CCDC40: variants seen among roughly 807,000 people sequenced by gnomAD.
CCDC40 encodes the protein coiled-coil domain 40 molecular ruler complex subunit.
A neutral mutation model predicts 124.5 loss-of-function variants in CCDC40; 104 were observed. The observed-to-expected ratio is 0.84, with a 90% CI of 0.71 to 0.98. CCDC40 has a LOEUF of 0.98. Among genes scored for constraint, CCDC40 ranks in the 50% least tolerant of loss-of-function variants. The pLI, the probability that CCDC40 is intolerant of heterozygous loss-of-function variation, is 0.00. For missense variants in CCDC40, 1,463 were observed against 1,503.9 expected (o/e 0.97, Z 0.45); for synonymous variants, 580 against 602.9 (o/e 0.96, Z 0.56).
At chr17:80,097,930 G>C (rs368901403) in intron 19 of CCDC40, 1 of 86,268 alleles carries the variant, frequency 1.2e-5, no homozygotes, top group South Asian at 2.1e-4. Flanking sequence ...GAAAAGAAAA[G>C]AAAAGAAAAG....
chr17:80,088,305 G>A, intron 16 of CCDC40: 1 of 615,524 alleles, frequency 1.6e-6, no homozygotes. Context: ...AGGCTGGAGT[G>A]CAGCCGTGCG....
chr17:80,047,581 T>A, intron 4 of CCDC40, 179 bp downstream of exon 4: 2 of 659,786 alleles, frequency 3.0e-6, no homozygotes. Context: ...TACTGTTTTA[T>A]CTCATTTAAT....
In CCDC40 at chr17:80,080,489, C is replaced by A. The variant is rs555870374; in HGVS notation, c.1563-1057C>A. 2.6e-5 allele frequency among the ~76,000 whole-genome samples: 4 copies of A among 152,224 alleles called. No homozygotes were observed. The East Asian group carries it at 7.7e-4, about 29-fold the overall frequency. On this transcript the variant is annotated intron_variant, in intron 10 of 19. Coordinates refer to ENST00000397545, the MANE Select transcript of CCDC40 (RefSeq NM_017950.4). ...TTACAGGTATCTCATCGCAGCATGC[C>A]GAGGGGAAAGACAATAGAATTTGAA...
rs1307406694 is a variant in CCDC40, at chr17:80,090,268, C to A, written c.2832+384C>A. ...ACGAACAACACGGGACGCGCGCGGG[C>A]ACGTGCACGAACAACACGGGACGCG... On this transcript the variant is annotated intron_variant, in intron 17 of 19. Transcript: ENST00000397545. The A allele has an allele frequency of 7.2e-6, 8 of 1,106,456 alleles. 2 individuals carry two copies. Among genetic ancestry groups the A allele is most frequent in the Non-Finnish European group, 9.9e-6 (8 of 808,154 alleles). 68.5% of individuals were successfully genotyped at this position (1,106,456 alleles called of 1,614,324 possible).
At chr17:80,050,011 C>G (rs769301455) in intron 6 of CCDC40, 22 bp downstream of exon 6, 5 of 1,612,330 alleles carry the variant, frequency 3.1e-6, no homozygotes, top group Non-Finnish European at 4.2e-6. Flanking sequence ...TCCAGTCTCC[C>G]ACCCTGGTCG....
rs368624849 is a variant in CCDC40, at chr17:80,081,627, C to T, written c.1644C>T (p.Asn548=). The change falls in exon 11 of 20, where the codon AAC becomes AAT. Residue 548 remains asparagine, a synonymous_variant. Transcript: ENST00000397545. The part of the protein sequence containing the change: ...KKSIMKEEEK[N]EKLASILNRT... ...CCATCATGAAGGAGGAAGAAAAGAACGAGAAGCTGGCGAGCATCCTGAACC... is the reference window on the plus strand; with the variant it reads ...CCATCATGAAGGAGGAAGAAAAGAATGAGAAGCTGGCGAGCATCCTGAACC... 1.9e-5 allele frequency: 31 copies of T among 1,613,996 alleles called. No homozygotes were observed. Among genetic ancestry groups the T allele is most frequent in the African/African-American group, 5.3e-5 (4 of 74,916 alleles).
At chr17:80,047,248 G>C in intron 3 of CCDC40, 31 bp from the exon 4 acceptor site, 1 of 1,611,704 alleles carries the variant, frequency 6.2e-7, no homozygotes, top group Non-Finnish European at 8.5e-7. Flanking sequence ...ATTAAGCCCT[G>C]TTGACTTAGT....
chr17:80,091,983 G>A (rs187605420), intron 17 of CCDC40: 290 of 151,992 alleles, frequency 1.9e-3, no homozygotes, highest in African/African-American at 6.4e-3. Flanking sequence ...TCACAGCTTA[G>A]GGCATTCAGC....
At chr17:80,072,282 C>A (rs1598520656) in intron 10 of CCDC40, among the ~76,000 whole-genome samples, 1 of 152,038 alleles carries the variant, frequency 6.6e-6, no homozygotes, top group Admixed American at 6.6e-5. Flanking sequence ...AAATAATAAT[C>A]CTTATCAAGG....
At chr17:80,052,651 G>C (rs1300296778) in intron 7 of CCDC40, among the ~76,000 whole-genome samples, 1 of 152,196 alleles carries the variant, frequency 6.6e-6, no homozygotes, top group South Asian at 2.1e-4. Flanking sequence ...AGACTGAGCC[G>C]GACAGACAGG....
At chr17:80,063,357 T>C (rs2037953070) in intron 9 of CCDC40, among the ~76,000 whole-genome samples, 1 of 152,208 alleles carries the variant, frequency 6.6e-6, no homozygotes, top group South Asian at 2.1e-4. Context: ...TTGCATAGGC[T>C]GAACACTTGC....
At chr17:80,090,728 A>T in intron 17 of CCDC40, 1 of 1,404,094 alleles carries the variant, frequency 7.1e-7, no homozygotes, top group South Asian at 1.5e-5. Flanking sequence ...ATTAAATTGC[A>T]AGTGGTCATC....
At position 80,081,616 on chromosome 17, in the gene CCDC40, G is replaced by T; in HGVS notation, c.1633G>T (p.Glu545Ter). ...CTATAAGAAATCCATCATGAAGGAG[G>T]AAGAAAAGAACGAGAAGCTGGCGAG... ...EAYKKSIMKE[E>*]EKNEKLASIL... The change falls in exon 11 of 20, where the codon GAA becomes TAA. Residue 545 changes from glutamate to a stop codon, truncating the protein, a stop_gained. Coordinates refer to ENST00000397545, the MANE Select transcript of CCDC40 (RefSeq NM_017950.4). LOFTEE classifies it high-confidence loss of function. 1 of 1,614,116 alleles carries T rather than the reference G, an allele frequency of 6.2e-7. No individual in the cohort carries two copies. The highest frequency in any genetic ancestry group is 8.5e-7 in the Non-Finnish European group (1 of 1,180,040).
At chr17:80,072,984 T>G (rs901917548) in intron 10 of CCDC40, among the ~76,000 whole-genome samples, 21 of 148,860 alleles carry the variant, frequency 1.4e-4, no homozygotes, top group African/African-American at 4.2e-4. Context: ...GTGGAATCGC[T>G]TTTGTTTGTT....
chr17:80,069,481 C>T (rs1216859976), intron 10 of CCDC40, among the ~76,000 whole-genome samples: 1 of 152,216 alleles, frequency 6.6e-6, no homozygotes, highest in Non-Finnish European at 1.5e-5. Flanking sequence ...CGCGGTGGCT[C>T]ACGCCTGTAA....
chr17:80,061,429 T>A (rs893532148), intron 9 of CCDC40, among the ~76,000 whole-genome samples: 2 of 151,794 alleles, frequency 1.3e-5, no homozygotes, highest in Non-Finnish European at 2.9e-5. Context: ...ACAAACCAGA[T>A]GAAGGCGGGG....
chr17:80,037,698 T>G lies in CCDC40; in HGVS notation c.30-425T>G, dbSNP rs1046849757. 5.1e-3 allele frequency among the ~76,000 whole-genome samples: 395 copies of G among 77,942 alleles called. 19 individuals are homozygous for G. The highest frequency in any genetic ancestry group is 0.015 in the African/African-American group (381 of 25,064). The allele number at this position is 77,942 out of a possible 152,430, so 51.1% of individuals were successfully genotyped here. ...TTTAATTTTTTAAAAAAGATATACA[T>G]ATATATATATATATATATATATTCC... is the stretch of plus-strand genomic sequence containing the variant. On this transcript the variant is annotated intron_variant, in intron 1 of 19. Coordinates refer to ENST00000397545, the MANE Select transcript of CCDC40 (RefSeq NM_017950.4).
chr17:80,036,679 G>A lies in CCDC40; in HGVS notation c.17G>A (p.Gly6Asp). MAEPGGAAGRSHPEDG... is the reference protein window; with the variant it reads MAEPGDAAGRSHPEDG... ...CAACGGGAAATGGCGGAACCGGGCG[G>A]CGCGGCGGGCCGGTAAGCCGGGCCG... is the stretch of plus-strand genomic sequence containing the variant. The change falls in exon 1 of 20, where the codon GGC becomes GAC. Residue 6 changes from glycine (G) to aspartate (D), a missense_variant. Coordinates refer to ENST00000397545, the MANE Select transcript of CCDC40 (RefSeq NM_017950.4). The A allele has an allele frequency of 6.8e-7, 1 of 1,462,026 alleles. No individual in the cohort carries two copies. The highest frequency in any genetic ancestry group is 2.8e-5 in the East Asian group (1 of 35,208). The allele number at this position is 1,462,026 out of a possible 1,614,324, so 90.6% of individuals were successfully genotyped here.
rs542422469 is a variant in CCDC40, at chr17:80,087,784, C to T, written c.2619+8C>T. On this transcript the variant is annotated splice_region_variant and intron_variant, in intron 15 of 19. Transcript: ENST00000397545. The surrounding 1 kb of genome is among the most constrained non-coding windows in gnomAD (Gnocchi z 4.5). Reference sequence around the variant, plus strand: ...TTCGTGCGCTCGCTGAAGGTCCGGCCGTGTCCACGCAGTCCCGGGGCTCAG... The same window carrying T: ...TTCGTGCGCTCGCTGAAGGTCCGGCTGTGTCCACGCAGTCCCGGGGCTCAG... 52 of 1,613,660 alleles carry T rather than the reference C, an allele frequency of 3.2e-5. No individual in the cohort carries two copies. Among genetic ancestry groups the T allele is most frequent in the African/African-American group, 5.3e-5 (4 of 75,012 alleles).
Sources: gnomAD v4.1 joint callset for allele counts (sites outside exome capture counted in the v4.1 genomes callset) on GRCh38, gnomAD v4.1.1 for gene constraint, Gnocchi (gnomAD v3.1) non-coding constraint, MANE v1.5 for transcripts, NCBI Gene and HGNC (gene_info 2026-07-23, HGNC 2026-07-21) for gene names.